CIROZ: variants seen among roughly 807,000 people sequenced by gnomAD.
CIROZ encodes ciliated left-right organizer ZP-N domains-containing protein.
the CIROZ span, among the ~76,000 whole-genome samples, chr1:10,971,953 C>T: frequency 6.6e-6 from 1 of 152,188 alleles, no homozygotes; most frequent in Admixed American, 6.5e-5. Flanking sequence ...TTTCCTTCTC[C>T]CCCATGACAC....
chr1:10,953,633 T>G, the CIROZ span, among the ~76,000 whole-genome samples: 1 of 152,220 alleles, frequency 6.6e-6, no homozygotes, highest in Non-Finnish European at 1.5e-5. Flanking sequence ...AAGCCATTGA[T>G]TCCCCTTATC....
At chr1:10,982,058 T>G in the CIROZ span, 1 of 1,537,180 alleles carries the variant, frequency 6.5e-7, no homozygotes, top group South Asian at 1.2e-5. Context: ...AGCAGCTCTC[T>G]CCTGCCCTGG....
the CIROZ span, among the ~76,000 whole-genome samples, chr1:10,950,672 A>G: frequency 2.6e-5 from 4 of 152,098 alleles, no homozygotes; most frequent in Admixed American, 6.5e-5. Context: ...CATGACAACC[A>G]AAAAGGTCTC....
At chr1:10,972,797 G>A in the CIROZ span, among the ~76,000 whole-genome samples, 1 of 152,130 alleles carries the variant, frequency 6.6e-6, no homozygotes, top group Non-Finnish European at 1.5e-5. Flanking sequence ...TGTTAAGAGT[G>A]TCTCTGTGGC....
At chr1:10,969,305 C>CTCCAGAAGGT in the CIROZ span, among the ~76,000 whole-genome samples, 2 of 152,036 alleles carry the variant, frequency 1.3e-5, no homozygotes, top group Non-Finnish European at 2.9e-5. Flanking sequence ...CTCGTGTTCC[C>CTCCAGAAGGT]TCCAGAAGGT....
chr1:10,956,177 T>C, the CIROZ span, among the ~76,000 whole-genome samples: 4 of 152,272 alleles, frequency 2.6e-5, no homozygotes, highest in African/African-American at 9.6e-5. Context: ...CCACCTAACT[T>C]TGCACACCGA....
At chr1:10,964,067 T>G in the CIROZ span, 1 of 1,591,958 alleles carries the variant, frequency 6.3e-7, no homozygotes, top group East Asian at 2.2e-5. Flanking sequence ...CCTTGGCCTT[T>G]AGAGAGAAGC....
chr1:10,978,419 C>T, the CIROZ span, among the ~76,000 whole-genome samples: 54,793 of 151,032 alleles, frequency 0.36, 12,844 homozygotes, highest in African/African-American at 0.67. Flanking sequence ...ATGTATGTCA[C>T]GGAGTCCCGC....
the CIROZ span, among the ~76,000 whole-genome samples, chr1:10,953,307 C>G: frequency 1.3e-5 from 2 of 152,202 alleles, no homozygotes; most frequent in African/African-American, 4.8e-5. Context: ...TGAAAGTGAT[C>G]GACATCGTTT....
At chr1:10,971,795 T>C in the CIROZ span, among the ~76,000 whole-genome samples, 2 of 152,210 alleles carry the variant, frequency 1.3e-5, no homozygotes, top group African/African-American at 4.8e-5. Flanking sequence ...GTCTGCCTTG[T>C]TGACCACTCT....
chr1:10,967,380 A>G, the CIROZ span, among the ~76,000 whole-genome samples: 1 of 151,944 alleles, frequency 6.6e-6, no homozygotes, highest in Non-Finnish European at 1.5e-5. Context: ...CTTCTCCTAG[A>G]TATCCACATG....
At chr1:10,975,178 C>A in the CIROZ span, among the ~76,000 whole-genome samples, 1 of 152,040 alleles carries the variant, frequency 6.6e-6, no homozygotes, top group African/African-American at 2.4e-5. Flanking sequence ...TAGGCCGAGG[C>A]GGGTGGATCA....
chr1:10,975,407 G>GAAAAAAAAAAAAA, the CIROZ span, among the ~76,000 whole-genome samples: 1 of 78,778 alleles, frequency 1.3e-5, no homozygotes, highest in Non-Finnish European at 2.9e-5. Flanking sequence ...CTCTGTCTCA[G>GAAAAAAAAAAAAA]AAAAAAAAAA....
the CIROZ span, among the ~76,000 whole-genome samples, chr1:10,950,669 A>C: frequency 2.0e-5 from 3 of 152,236 alleles, no homozygotes; most frequent in Admixed American, 2.0e-4. Flanking sequence ...AGTCATGACA[A>C]CCAAAAAGGT....
chr1:10,970,764 CTT>C, the CIROZ span, among the ~76,000 whole-genome samples: 1 of 151,982 alleles, frequency 6.6e-6, no homozygotes. Flanking sequence ...AGGGACAACA[CTT>C]TGAGTAGCAA....
the CIROZ span, chr1:10,948,900 C>T: frequency 8.4e-6 from 12 of 1,430,962 alleles, no homozygotes; most frequent in Non-Finnish European, 1.0e-5. Context: ...AACACATGGG[C>T]TCCGGCTGCC....
At chr1:10,957,785 T>C in the CIROZ span, 5 of 1,599,390 alleles carry the variant, frequency 3.1e-6, no homozygotes, top group Non-Finnish European at 4.3e-6. Flanking sequence ...ACAAACCATG[T>C]GGCCAGGGAG....
chr1:10,955,081 A>G, the CIROZ span: 1 of 1,613,970 alleles, frequency 6.2e-7, no homozygotes, highest in East Asian at 2.2e-5. Flanking sequence ...GTGGACTCGG[A>G]GGAATCTGAG....
the CIROZ span, among the ~76,000 whole-genome samples, chr1:10,951,083 C>T: frequency 7.9e-5 from 12 of 152,234 alleles, no homozygotes; most frequent in East Asian, 1.9e-3. Flanking sequence ...ACTGTCCCGC[C>T]GCTGACATTC....
Sources: allele counts gnomAD v4.1 joint callset (sites outside exome capture counted in the v4.1 genomes callset), GRCh38; gene constraint gnomAD v4.1.1; transcripts MANE v1.5; gene names NCBI Gene and HGNC (gene_info 2026-07-23, HGNC 2026-07-21).